POLR3B: variants seen among roughly 807,000 people sequenced by gnomAD.
POLR3B encodes DNA-directed RNA polymerase III subunit RPC2.
POLR3B carries 96 observed loss-of-function variants against 147.4 expected under a neutral mutation model. The observed-to-expected ratio is 0.65, with a 90% CI of 0.55 to 0.77. The LOEUF (loss-of-function observed/expected upper bound fraction) is 0.77. Ranked by LOEUF, POLR3B falls within the 30% of genes least tolerant of loss-of-function variation. The pLI is 0.00. For missense variants in POLR3B, 1,036 were observed against 1,413.5 expected, an observed-to-expected ratio of 0.73 and a Z score of 4.28; for synonymous variants, 461 against 485.9, an observed-to-expected ratio of 0.95 and a Z score of 0.67.
At chr12:106,482,893 CCCAGAATA>C (rs2038289085) in intron 23 of POLR3B, among the ~76,000 whole-genome samples, 2 of 152,126 alleles carry the variant, frequency 1.3e-5, no homozygotes, top group African/African-American at 4.8e-5. Context: ...ACTCACTACT[CCCAGAATA>C]AGTGTAATTT....
chr12:106,365,956 T>C (rs1006984817), intron 2 of POLR3B, among the ~76,000 whole-genome samples: 3 of 152,094 alleles, frequency 2.0e-5, no homozygotes, highest in South Asian at 2.1e-4. Flanking sequence ...TCCATCTCCA[T>C]GCCTTGTCCC....
intron 4 of POLR3B, among the ~76,000 whole-genome samples, chr12:106,368,257 G>T (rs1241102460): frequency 1.3e-5 from 2 of 151,600 alleles, no homozygotes; most frequent in Admixed American, 6.6e-5. Flanking sequence ...AGGAGCCCTA[G>T]AGTCTCCCTT....
intron 20 of POLR3B, among the ~76,000 whole-genome samples, chr12:106,456,488 A>G (rs2037864284): frequency 6.6e-6 from 1 of 152,134 alleles, no homozygotes; most frequent in African/African-American, 2.4e-5. Flanking sequence ...CCATTGAAAT[A>G]ATTTGATTAT....
rs2038663066 is a variant in POLR3B, at chr12:106,504,959, GT to G, written c.3272+708del. Reference sequence around the variant, plus strand: ...GTTCATTCTGATTGCATCCTGTCATGTTTACCCTCATTTCTCCAGCCTGGGA... The same window carrying G: ...GTTCATTCTGATTGCATCCTGTCATGTTACCCTCATTTCTCCAGCCTGGGA... On this transcript the variant is annotated intron_variant, in intron 27 of 27. Transcript: ENST00000228347. This position sits in a 1 kb window ranked among gnomAD's most constrained non-coding sequence, Gnocchi z 4.6. Among the ~76,000 whole-genome samples, 1 of 152,156 alleles carries G rather than the reference GT, an allele frequency of 6.6e-6. No homozygotes were observed.
At chr12:106,403,516 T>G (rs1028889272) in intron 10 of POLR3B, among the ~76,000 whole-genome samples, 2 of 152,058 alleles carry the variant, frequency 1.3e-5, no homozygotes, top group Non-Finnish European at 1.5e-5. Flanking sequence ...CACATGTATG[T>G]TTACTGCGGC....
intron 25 of POLR3B, 120 bp downstream of exon 25, chr12:106,497,038 C>A: frequency 1.0e-6 from 1 of 965,954 alleles, no homozygotes; most frequent in Non-Finnish European, 1.6e-6. Context: ...AGCCCGTGGG[C>A]GGCATGTGGC....
intron 4 of POLR3B, among the ~76,000 whole-genome samples, chr12:106,368,528 C>T (rs2036561705): frequency 6.6e-6 from 1 of 151,842 alleles, no homozygotes; most frequent in African/African-American, 2.4e-5. Context: ...CCATTATCTG[C>T]AAAATTTAAA....
Position 106,447,906 on chromosome 12 carries a change from G to A in POLR3B, c.2083+3316G>A, listed in dbSNP as rs182159954. Among the ~76,000 whole-genome samples the A allele has an allele frequency of 3.9e-5, 6 of 152,254 alleles. No homozygotes were observed. In the East Asian group the frequency reaches 1.2e-3, roughly 29 times the overall value. ...TTTTAATAGATTTTATTCCTAAGTA[G>A]ATAGTTTCTTCCTTTATGTTCCGCA... On this transcript the variant is annotated intron_variant, in intron 19 of 27. Transcript: ENST00000228347.
At chr12:106,482,891 C>G (rs2038289030) in intron 23 of POLR3B, among the ~76,000 whole-genome samples, 2 of 152,142 alleles carry the variant, frequency 1.3e-5, no homozygotes, top group African/African-American at 4.8e-5. Context: ...AAACTCACTA[C>G]TCCCAGAATA....
At chr12:106,389,093 A>G (rs1279555217) in intron 9 of POLR3B, among the ~76,000 whole-genome samples, 3 of 152,240 alleles carry the variant, frequency 2.0e-5, no homozygotes, top group African/African-American at 7.2e-5. Flanking sequence ...ATATAAAGCC[A>G]GTTTTCAGAT....
intron 15 of POLR3B, among the ~76,000 whole-genome samples, chr12:106,433,382 G>A (rs1434323276): frequency 1.3e-5 from 2 of 152,322 alleles, no homozygotes; most frequent in East Asian, 1.9e-4. Context: ...TAAATGATCA[G>A]CTCGTTTAAC....
intron 9 of POLR3B, among the ~76,000 whole-genome samples, chr12:106,384,914 C>T (rs770192378): frequency 6.6e-5 from 10 of 151,716 alleles, no homozygotes; most frequent in East Asian, 1.9e-4. Flanking sequence ...TGCAACTTCC[C>T]GTCCAGTTTC....
At chr12:106,394,874 T>C (rs2036960172) in intron 10 of POLR3B, among the ~76,000 whole-genome samples, 1 of 152,150 alleles carries the variant, frequency 6.6e-6, no homozygotes, top group African/African-American at 2.4e-5. Flanking sequence ...TTGAAACTAA[T>C]AAAAGGATAT....
At chr12:106,386,845 T>C (rs1019434931) in intron 9 of POLR3B, among the ~76,000 whole-genome samples, 16 of 151,910 alleles carry the variant, frequency 1.1e-4, no homozygotes, top group African/African-American at 3.9e-4. Context: ...AGCCGGAGCA[T>C]GCAGTGAGCC....
At chr12:106,403,067 A>G (rs1389688848) in intron 10 of POLR3B, among the ~76,000 whole-genome samples, 15 of 151,694 alleles carry the variant, frequency 9.9e-5, no homozygotes, top group African/African-American at 3.1e-4. Flanking sequence ...TCATCTGACA[A>G]AGGGCTAATA....
At chr12:106,507,157 G>T (rs1387936123) in intron 27 of POLR3B, among the ~76,000 whole-genome samples, 1 of 152,152 alleles carries the variant, frequency 6.6e-6, no homozygotes, top group African/African-American at 2.4e-5. Context: ...TTAGCTCATA[G>T]AGGATGTTTC....
intron 23 of POLR3B, among the ~76,000 whole-genome samples, chr12:106,493,935 TTGACTTACAGG>T (rs542576270): frequency 8.7e-4 from 133 of 152,344 alleles, no homozygotes; most frequent in African/African-American, 3.1e-3. Context: ...GATTTAATTT[TTGACTTACAGG>T]TGCCCTTGGT....
intron 19 of POLR3B, chr12:106,446,372 T>C: frequency 3.4e-6 from 1 of 291,536 alleles, no homozygotes; most frequent in South Asian, 2.6e-5. Context: ...AGAATAGACT[T>C]GAAAGAAAGA....
intron 23 of POLR3B, among the ~76,000 whole-genome samples, chr12:106,465,247 C>T (rs574852460): frequency 2.6e-5 from 4 of 152,240 alleles, no homozygotes; most frequent in African/African-American, 9.6e-5. Context: ...CTTACTTGGC[C>T]TCCTACTTGG....
Sources: allele counts gnomAD v4.1 joint callset (sites outside exome capture counted in the v4.1 genomes callset), GRCh38; gene constraint gnomAD v4.1.1; non-coding constraint Gnocchi (gnomAD v3.1); transcripts MANE v1.5; gene names NCBI Gene and HGNC (gene_info 2026-07-23, HGNC 2026-07-21).